ANXA4: variants seen among roughly 807,000 people sequenced by gnomAD.
ANXA4 encodes 35-beta calcimedin.
In ANXA4, 39 loss-of-function variants were observed where a neutral mutation model predicts 49.8. That is an observed-to-expected ratio of 0.78 (90% CI 0.61 to 1.02). The LOEUF is 1.02. Ranked by LOEUF, ANXA4 falls within the 50% of genes least tolerant of loss-of-function variation. The probability of loss-of-function intolerance (pLI) is 0.00; values close to 1 mark genes in which losing one functional copy is unlikely to be tolerated. For synonymous variants in ANXA4, 134 were observed against 152.5 expected (o/e 0.88, Z 0.89); for missense variants, 360 against 410.1 (o/e 0.88, Z 1.05).
intron 1 of ANXA4, among the ~76,000 whole-genome samples, chr2:69,748,336 G>A (rs1478827763): frequency 1.3e-5 from 2 of 151,178 alleles, no homozygotes; most frequent in Admixed American, 6.6e-5. Flanking sequence ...CCGAGATCAC[G>A]CCACTGCACT....
At position 69,728,864 on chromosome 2, in the gene ANXA4, G is replaced by C. The variant is rs573549316; in HGVS notation, n.864+7993G>C. ...CGTTTGCATTTTGGTCTAAACTTTAGGATAGGTTTGTCAGTTTCTATATAC... is the reference window on the plus strand; with the variant it reads ...CGTTTGCATTTTGGTCTAAACTTTACGATAGGTTTGTCAGTTTCTATATAC... On this transcript the variant is annotated intron_variant and non_coding_transcript_variant, in intron 3 of 3. Transcript: ENST00000418066. Among the ~76,000 whole-genome samples the C allele has an allele frequency of 1.5e-4, 23 of 152,168 alleles. No individual in the cohort carries two copies. In the East Asian group the frequency reaches 4.2e-3, roughly 28 times the overall value.
At chr2:69,776,317 C>A (rs1186152236) in intron 1 of ANXA4, among the ~76,000 whole-genome samples, 1 of 152,150 alleles carries the variant, frequency 6.6e-6, no homozygotes, top group East Asian at 1.9e-4. Context: ...CTGCCTATCT[C>A]ATGACCATGT....
In ANXA4 at chr2:69,711,507, T is replaced by C. The variant is rs982023965; in HGVS notation, n.767-9267T>C. On this transcript the variant is annotated intron_variant and non_coding_transcript_variant, in intron 2 of 3. Coordinates refer to the ANXA4 transcript ENST00000418066. ...TTTAGAAAAGGCAAAACTATAGTGA[T>C]ATTTCTAGTTTCCTGGGCTTGGGAG... 2.0e-4 allele frequency among the ~76,000 whole-genome samples: 31 copies of C among 152,366 alleles called. 1 individual carries two copies. Among genetic ancestry groups the C allele is most frequent in the African/African-American group, 7.5e-4 (31 of 41,584 alleles).
chr2:69,762,704 A>G (rs1671343161), intron 1 of ANXA4, among the ~76,000 whole-genome samples: 1 of 152,124 alleles, frequency 6.6e-6, no homozygotes, highest in South Asian at 2.1e-4. Flanking sequence ...TCGCGCCCCA[A>G]CACCTCTCGG....
chr2:69,747,932 G>T (rs1382155846), intron 1 of ANXA4, among the ~76,000 whole-genome samples: 1 of 151,896 alleles, frequency 6.6e-6, no homozygotes, highest in Non-Finnish European at 1.5e-5. Flanking sequence ...CTCCTGCCTT[G>T]GTCTCCCGAA....
chr2:69,825,637 C>T lies in ANXA4; in HGVS notation c.*122C>T. The T allele has an allele frequency of 1.5e-6, 1 of 674,698 alleles. No homozygotes were observed. The highest frequency in any genetic ancestry group is 2.8e-5 in the East Asian group (1 of 35,422). The allele number at this position is 674,698 out of a possible 1,614,324, so 41.8% of individuals were successfully genotyped here. On this transcript the variant is annotated 3_prime_UTR_variant, in exon 13 of 13. Transcript: ENST00000394295. The stretch of plus-strand genomic sequence containing the variant: ...TTTCCAATTAAAACGCCTACAGCTG[C>T]CTCCTAGAATATAGACTGTCTGTAT...
chr2:69,660,207 A>T (rs138931180), intron 2 of ANXA4, among the ~76,000 whole-genome samples: 49 of 152,346 alleles, frequency 3.2e-4, no homozygotes, highest in African/African-American at 1.2e-3. Context: ...CCTGCTTTTC[A>T]CATTGCTTTT....
chr2:69,706,752 C>T (rs1260726043), intron 2 of ANXA4, among the ~76,000 whole-genome samples: 2 of 152,112 alleles, frequency 1.3e-5, no homozygotes, highest in Non-Finnish European at 1.5e-5. Context: ...CTATACGTGA[C>T]CTTTTGTGTC....
Position 69,822,151 on chromosome 2 carries a change from G to A in ANXA4, c.906+1330G>A, listed in dbSNP as rs141608911. Among the ~76,000 whole-genome samples the A allele has an allele frequency of 1.2e-3, 176 of 152,048 alleles. 3 individuals are homozygous for A. The East Asian group carries it at 0.026, about 23-fold the overall frequency. ...CGAGACAGGTGGATCACTTGAGCCC[G>A]GGAGTTCGAGACCAGCCTAGCCAAC... On this transcript the variant is annotated intron_variant, in intron 12 of 12. Transcript: ENST00000394295.
At chr2:69,713,006 TACA>T (rs948276986) in intron 2 of ANXA4, among the ~76,000 whole-genome samples, 1 of 152,008 alleles carries the variant, frequency 6.6e-6, no homozygotes, top group African/African-American at 2.4e-5. Flanking sequence ...CCTAAATACA[TACA>T]ACAATACTTC....
chr2:69,794,552 G>T (rs902342497), intron 3 of ANXA4, among the ~76,000 whole-genome samples: 1 of 132,034 alleles, frequency 7.6e-6, no homozygotes, highest in Non-Finnish European at 1.8e-5. Context: ...GTTATGTTAT[G>T]TTATGTTATG....
chr2:69,750,346 A>G (rs1311764181), intron 1 of ANXA4, among the ~76,000 whole-genome samples: 3 of 152,198 alleles, frequency 2.0e-5, no homozygotes, highest in African/African-American at 7.2e-5. Context: ...TCACTTGGGT[A>G]GCTGGTTCCA....
chr2:69,648,566 G>A (rs553446366), intron 1 of ANXA4, among the ~76,000 whole-genome samples: 2 of 152,212 alleles, frequency 1.3e-5, no homozygotes, highest in East Asian at 1.9e-4. Context: ...GCTCATGCCC[G>A]TAATCCCAAC....
chr2:69,794,552 G>GTTATA (rs1672844666), intron 3 of ANXA4, among the ~76,000 whole-genome samples: 1 of 132,034 alleles, frequency 7.6e-6, no homozygotes, highest in East Asian at 1.9e-4. Flanking sequence ...GTTATGTTAT[G>GTTATA]TTATGTTATG....
intron 2 of ANXA4, among the ~76,000 whole-genome samples, chr2:69,682,600 G>A (rs1246889134): frequency 6.6e-6 from 1 of 152,012 alleles, no homozygotes; most frequent in Non-Finnish European, 1.5e-5. Context: ...AGCTTAACAA[G>A]TTCTTTCTCA....
chr2:69,697,381 T>C (rs1678192044), intron 2 of ANXA4, among the ~76,000 whole-genome samples: 1 of 152,246 alleles, frequency 6.6e-6, no homozygotes, highest in Non-Finnish European at 1.5e-5. Flanking sequence ...TGTTCTAGGC[T>C]AGGCTTTGGA....
At chr2:69,779,185 C>T (rs150219408) in intron 1 of ANXA4, among the ~76,000 whole-genome samples, 1 of 147,272 alleles carries the variant, frequency 6.8e-6, no homozygotes, top group Non-Finnish European at 1.5e-5. Context: ...TAAGGGGAGC[C>T]AAGTAATGAT....
At chr2:69,687,774 G>A (rs1024808916) in intron 2 of ANXA4, among the ~76,000 whole-genome samples, 5 of 152,224 alleles carry the variant, frequency 3.3e-5, no homozygotes, top group East Asian at 3.9e-4. Flanking sequence ...GATTACAGGC[G>A]TGGGCTGCCG....
intron 1 of ANXA4, among the ~76,000 whole-genome samples, chr2:69,778,554 T>A (rs987963559): frequency 2.6e-5 from 4 of 152,058 alleles, no homozygotes; most frequent in African/African-American, 9.7e-5. Flanking sequence ...GGCGGGCAGA[T>A]CACCTGACGT....
Sources: gnomAD v4.1 joint callset for allele counts (sites outside exome capture counted in the v4.1 genomes callset) on GRCh38, gnomAD v4.1.1 for gene constraint, MANE v1.5 for transcripts, NCBI Gene and HGNC (gene_info 2026-07-23, HGNC 2026-07-21) for gene names.